Variants in GPSM1 observed in about 807,000 individuals in gnomAD.
GPSM1 encodes G protein-signaling modulator 1.
A neutral mutation model predicts 70.5 loss-of-function variants in GPSM1; 48 were observed. The observed-to-expected ratio is 0.68, with a 90% confidence interval of 0.54 to 0.87. The LOEUF (loss-of-function observed/expected upper bound fraction) is 0.87. GPSM1 is among the 40% of genes least tolerant of loss of function. GPSM1 has a pLI of 0.00. For missense variants in GPSM1, 981 were observed against 972.6 expected (o/e 1.01, Z -0.11); for synonymous variants, 416 against 430.1 (o/e 0.97, Z 0.41).
chr9:136,356,389 C>T lies in GPSM1; in HGVS notation c.1660C>T (p.Leu554Phe). 1 of 1,609,154 alleles carries T rather than the reference C, an allele frequency of 6.2e-7. No homozygotes were observed. Among genetic ancestry groups the T allele is most frequent in the Non-Finnish European group, 8.5e-7 (1 of 1,178,038 alleles). Reference protein sequence around the residue: ...ASPQTEEFFDLIASSQSRRLD... With the variant: ...ASPQTEEFFDFIASSQSRRLD... ...GCCCCAGACCGAGGAATTCTTCGACCTCATCGCCAGCTCCCAGAGCCGCCG... is the reference window on the plus strand; with the variant it reads ...GCCCCAGACCGAGGAATTCTTCGACTTCATCGCCAGCTCCCAGAGCCGCCG... The change falls in exon 13 of 14, where the codon CTC becomes TTC. Residue 554 changes from leucine (L) to phenylalanine (F), a missense_variant. Physicochemically the swap from Leu to Phe is conservative, Grantham distance 22. Coordinates refer to ENST00000440944, the MANE Select transcript of GPSM1 (RefSeq NM_001145638.3).
Position 136,356,324 on chromosome 9 carries a change from C to A in GPSM1, c.1613-18C>A. ...ACCCCGCACTGGGTCCCAGGTCTCA[C>A]CCTCTGGCCCCCCGCAGCCCAGCCC... On this transcript the variant is annotated intron_variant, in intron 12 of 13. Coordinates refer to ENST00000440944, the MANE Select transcript of GPSM1 (RefSeq NM_001145638.3). 1 of 1,536,838 alleles carries A rather than the reference C, an allele frequency of 6.5e-7. No individual in the cohort carries two copies. Among genetic ancestry groups the A allele is most frequent in the Middle Eastern group, 1.7e-4 (1 of 5,738 alleles).
chr9:136,336,921 G>T lies in GPSM1; in HGVS notation c.427G>T (p.Val143Phe), dbSNP rs1832252709. ...LSIAQEQGDKVGEARALYNIG... is the reference protein window; with the variant it reads ...LSIAQEQGDKFGEARALYNIG... ...CCCCAACCCTCCGTACTGCCCACAGGTTGGGGAGGCGAGGGCCCTCTACAA... is the reference window on the plus strand; with the variant it reads ...CCCCAACCCTCCGTACTGCCCACAGTTTGGGGAGGCGAGGGCCCTCTACAA... Residue 143 changes from valine (V) to phenylalanine (F), a missense_variant and splice_region_variant, in exon 4 of 14, where the codon GTT (valine) becomes TTT (phenylalanine). Physicochemically the swap from Val to Phe is conservative, Grantham distance 50 (BLOSUM62 -1). Coordinates refer to ENST00000440944, the MANE Select transcript of GPSM1 (RefSeq NM_001145638.3). 6.4e-7 allele frequency: 1 copy of T among 1,554,030 alleles called. No homozygotes were observed. Among genetic ancestry groups the T allele is most frequent in the South Asian group, 1.2e-5 (1 of 84,270 alleles).
At chr9:136,346,734 G>A (rs893636145) in intron 9 of GPSM1, among the ~76,000 whole-genome samples, 1 of 152,196 alleles carries the variant, frequency 6.6e-6, no homozygotes, top group Non-Finnish European at 1.5e-5. Context: ...CTCATGGTCG[G>A]GGCCAGGCTC....
chr9:136,334,401 G>A, intron 1 of GPSM1, 46 bp from the exon 2 acceptor site: 1 of 1,490,730 alleles, frequency 6.7e-7, no homozygotes, highest in Non-Finnish European at 9.2e-7. Flanking sequence ...CGGCCCCGGG[G>A]CGACTTTGCC....
rs1243611945 is a variant in GPSM1 at position 136,352,169 on chromosome 9, A to C, written c.1455+2406A>C. On this transcript the variant is annotated intron_variant, in intron 11 of 13. Transcript: ENST00000440944. ...TGCGCCGTTGCTGTTGGTGACACCA[A>C]TGCTGCGCCGTTGCTGTTGGTGACA... Among the ~76,000 whole-genome samples, 227 of 38,774 alleles carry C rather than the reference A, an allele frequency of 5.9e-3. 42 individuals are homozygous for C. Among genetic ancestry groups the C allele is most frequent in the African/African-American group, 0.021 (208 of 9,790 alleles). The allele number at this position is 38,774 out of a possible 152,430, so 25.4% of individuals were successfully genotyped here.
At chr9:136,356,151 G>A (rs1296404190) in intron 12 of GPSM1, among the ~76,000 whole-genome samples, 191 bp from the exon 13 acceptor site, 1 of 152,132 alleles carries the variant, frequency 6.6e-6, no homozygotes, top group Non-Finnish European at 1.5e-5. Flanking sequence ...TGAGGTGGGC[G>A]TGGGAGCCAC....
At chr9:136,356,183 C>G (rs1210599785) in intron 12 of GPSM1, among the ~76,000 whole-genome samples, 159 bp from the exon 13 acceptor site, 1 of 152,104 alleles carries the variant, frequency 6.6e-6, no homozygotes, top group Non-Finnish European at 1.5e-5. Flanking sequence ...CAGCTGAGAG[C>G]TGCCTAGGCC....
At chr9:136,337,336 G>T in intron 4 of GPSM1, 105 bp from the exon 5 acceptor site, 1 of 1,486,318 alleles carries the variant, frequency 6.7e-7, no homozygotes, top group South Asian at 1.3e-5. Context: ...TCTTTCCAGG[G>T]CATGGCCCTG....
chr9:136,331,160 G>T (rs890386281), intron 1 of GPSM1, among the ~76,000 whole-genome samples: 20 of 152,210 alleles, frequency 1.3e-4, no homozygotes, highest in African/African-American at 4.3e-4. Context: ...GACGCCGGGG[G>T]CTTGGGAAGT....
chr9:136,351,162 A>G (rs1318539509), intron 11 of GPSM1, among the ~76,000 whole-genome samples: 1 of 152,196 alleles, frequency 6.6e-6, no homozygotes, highest in Non-Finnish European at 1.5e-5. Flanking sequence ...AGGCTGCCCA[A>G]GCCCATCCTT....
rs2131421470 is a variant in GPSM1 at position 136,358,553 on chromosome 9, T to C, written c.*333T>C. ...TCCCGTTCTGCCCTGCCCTGCCAAA[T>C]GTGAAACCCTGCTGTCTCCCCCACC... On this transcript the variant is annotated 3_prime_UTR_variant, in exon 14 of 14. Transcript: ENST00000440944. 2.2e-6 allele frequency: 1 copy of C among 454,556 alleles called. No homozygotes were observed. Among genetic ancestry groups the C allele is most frequent in the Non-Finnish European group, 3.9e-6 (1 of 256,254 alleles). 28.2% of individuals were successfully genotyped at this position (454,556 alleles called of 1,614,324 possible).
chr9:136,350,591 G>A (rs1191175532), intron 11 of GPSM1, among the ~76,000 whole-genome samples: 1 of 152,204 alleles, frequency 6.6e-6, no homozygotes, highest in African/African-American at 2.4e-5. Context: ...CCTGTGCATG[G>A]CTGCAGAGCC....
intron 11 of GPSM1, among the ~76,000 whole-genome samples, chr9:136,350,761 G>A (rs991705239): frequency 2.0e-5 from 3 of 152,222 alleles, no homozygotes; most frequent in Non-Finnish European, 2.9e-5. Flanking sequence ...GGCGCCACCC[G>A]GGTCCTCAGG....
rs1832252439 is a variant in GPSM1 at position 136,336,911 on chromosome 9, C to T, written c.427-10C>T. 6.4e-7 allele frequency: 1 copy of T among 1,551,360 alleles called. No homozygotes were observed. The highest frequency in any genetic ancestry group is 1.9e-5 in the Admixed American group (1 of 51,334). ...GGAGGCATGCCCCCAACCCTCCGTA[C>T]TGCCCACAGGTTGGGGAGGCGAGGG... On this transcript the variant is annotated splice_polypyrimidine_tract_variant and intron_variant, in intron 3 of 13. Transcript: ENST00000440944.
At chr9:136,345,666 C>T (rs116725045) in intron 9 of GPSM1, among the ~76,000 whole-genome samples, 4,066 of 152,288 alleles carry the variant, frequency 0.027, 198 homozygotes, top group African/African-American at 0.09. Context: ...GCACTGGGGG[C>T]GGCAGAGGGA....
At chr9:136,331,836 T>C (rs770372806) in intron 1 of GPSM1, 1 of 390,814 alleles carries the variant, frequency 2.6e-6, no homozygotes, top group Non-Finnish European at 4.5e-6. Flanking sequence ...ACGTCAGGGA[T>C]TGGGGAGGCC....
Position 136,341,930 on chromosome 9 carries a change from C to T in GPSM1, c.1207+937C>T, listed in dbSNP as rs573040386. The T allele has an allele frequency of 2.7e-5, 8 of 297,256 alleles. No homozygotes were observed. The East Asian group carries it at 5.2e-4, about 19-fold the overall frequency. The allele number at this position is 297,256 out of a possible 1,614,324, so 18.4% of individuals were successfully genotyped here. On this transcript the variant is annotated intron_variant, in intron 9 of 13. Coordinates refer to ENST00000440944, the MANE Select transcript of GPSM1 (RefSeq NM_001145638.3). The surrounding 1 kb of genome is among the most constrained non-coding windows in gnomAD (Gnocchi z 6.7). ...CTTCCAGAAGTGCTGGGATTATAGG[C>T]GTGAGCCACCGTGCCCAGCCATCCC...
chr9:136,355,697 C>G lies in GPSM1; in HGVS notation c.1463C>G (p.Pro488Arg). ...ACCCCACTCCCTCCCCAGAGCATCC[C>G]GAGGGCCCCGTCTTCGGACGAGGAG... is the stretch of plus-strand genomic sequence containing the variant. ...VRVHVPRTSI[P>R]RAPSSDEECF... The change falls in exon 12 of 14, where the codon CCG (proline) becomes CGG (arginine). Residue 488 changes from proline to arginine, a missense_variant. Pro to Arg is a moderately radical substitution (Grantham distance 103). Coordinates refer to ENST00000440944, the MANE Select transcript of GPSM1 (RefSeq NM_001145638.3). 2 of 1,611,944 alleles carry G rather than the reference C, an allele frequency of 1.2e-6. No homozygotes were observed. Among genetic ancestry groups the G allele is most frequent in the Non-Finnish European group, 1.7e-6 (2 of 1,179,302 alleles).
chr9:136,345,712 G>A (rs1441165261), intron 9 of GPSM1, among the ~76,000 whole-genome samples: 1 of 152,206 alleles, frequency 6.6e-6, no homozygotes, highest in Non-Finnish European at 1.5e-5. Context: ...CCGGGAGACG[G>A]AGCGGGGCTC....
Sources: gnomAD v4.1 joint callset for allele counts (sites outside exome capture counted in the v4.1 genomes callset) on GRCh38, gnomAD v4.1.1 for gene constraint, Gnocchi (gnomAD v3.1) non-coding constraint, MANE v1.5 for transcripts, NCBI Gene and HGNC (gene_info 2026-07-23, HGNC 2026-07-21) for gene names.